The following EMC2 variants were observed in gnomAD, a reference collection of about 807,000 sequenced individuals.
EMC2 encodes ER membrane protein complex subunit 2, also known as TPR repeat protein 35.
Under a neutral mutation model 51.6 loss-of-function variants are expected in EMC2, and 37 were observed. That is an observed-to-expected ratio of 0.72 (90% CI 0.55 to 0.94). The LOEUF (loss-of-function observed/expected upper bound fraction) is 0.94, where lower values mean the gene tolerates loss of function less well. EMC2 is among the 40% of genes least tolerant of loss of function. The pLI, the probability that EMC2 is intolerant of heterozygous loss-of-function variation, is 0.00. For synonymous variants in EMC2, 131 were observed against 112.4 expected (o/e 1.17, Z -1.04); for missense variants, 359 against 350.9 (o/e 1.02, Z -0.18).
intron 5 of EMC2, among the ~76,000 whole-genome samples, chr8:108,459,752 G>T (rs1563694645): frequency 2.1e-4 from 32 of 151,638 alleles, no homozygotes; most frequent in Non-Finnish European, 7.4e-5. Context: ...GTGTGTGTGT[G>T]TGATTGTTTT....
chr8:108,449,742 T>C, intron 1 of EMC2, 81 bp from the exon 2 acceptor site: 1 of 599,876 alleles, frequency 1.7e-6, no homozygotes, highest in Non-Finnish European at 3.0e-6. Flanking sequence ...GATTTTGTCT[T>C]GTCAGGTTTT....
At chr8:108,450,570 T>C (rs1029659059) in intron 3 of EMC2, 78 bp downstream of exon 3, 2 of 862,684 alleles carry the variant, frequency 2.3e-6, no homozygotes, top group Non-Finnish European at 4.0e-6. Context: ...GTATGGCTTA[T>C]ATGGAATGCT....
At chr8:108,457,331 CGTGTGTGTGTGTGTGTGT>C (rs56319322) in intron 5 of EMC2, among the ~76,000 whole-genome samples, 7 of 127,994 alleles carry the variant, frequency 5.5e-5, no homozygotes, top group Admixed American at 3.2e-4. Context: ...CGTGTGTGTG[CGTGTGTGTGTGTGTGTGT>C]GTGTGTGTGT....
At chr8:108,448,637 G>A (rs1026846304) in intron 1 of EMC2, among the ~76,000 whole-genome samples, 22 of 152,146 alleles carry the variant, frequency 1.4e-4, no homozygotes, top group Non-Finnish European at 2.4e-4. Flanking sequence ...CCCCAGCCAC[G>A]TGGAACTGCA....
chr8:108,483,405 G>A (rs953795185), intron 10 of EMC2, among the ~76,000 whole-genome samples: 4 of 151,982 alleles, frequency 2.6e-5, no homozygotes, highest in African/African-American at 9.7e-5. Flanking sequence ...TCCCCCACTG[G>A]GAGACAGACA....
At chr8:108,446,870 A>AGG (rs1464167104) in intron 1 of EMC2, among the ~76,000 whole-genome samples, 1 of 152,138 alleles carries the variant, frequency 6.6e-6, no homozygotes, top group Non-Finnish European at 1.5e-5. Flanking sequence ...CAGCTATGTA[A>AGG]GGTGTATAGC....
chr8:108,486,331 T>C (rs1811137083), intron 10 of EMC2, among the ~76,000 whole-genome samples, 181 bp from the exon 11 acceptor site: 3 of 151,870 alleles, frequency 2.0e-5, no homozygotes, highest in Admixed American at 1.3e-4. Flanking sequence ...GGTAAGACCT[T>C]AAAGGAAAAT....
At chr8:108,456,353 A>G (rs1029463500) in intron 5 of EMC2, among the ~76,000 whole-genome samples, 14 of 150,894 alleles carry the variant, frequency 9.3e-5, no homozygotes, top group East Asian at 3.9e-4. Flanking sequence ...AAAAAGAAAA[A>G]AAAAAAAACA....
chr8:108,443,787 C>G, intron 1 of EMC2, 89 bp downstream of exon 1: 2 of 1,205,524 alleles, frequency 1.7e-6, no homozygotes, highest in South Asian at 2.7e-5. Flanking sequence ...GCTGGGTTCT[C>G]TGGTGTCTTT....
At chr8:108,468,564 GTC>G (rs1361336676) in intron 5 of EMC2, among the ~76,000 whole-genome samples, 2 of 151,374 alleles carry the variant, frequency 1.3e-5, no homozygotes, top group African/African-American at 4.9e-5. Context: ...TTATTTATTA[GTC>G]TCTTGATTTC....
Position 108,451,215 on chromosome 8 carries a change from G to A in EMC2, c.219+723G>A, listed in dbSNP as rs78071008. ...GAGACTCTGTCTCAAAAAAAAAAAAGAAAAAAATCAAACAAACCTAATACT... is the reference window on the plus strand; with the variant it reads ...GAGACTCTGTCTCAAAAAAAAAAAAAAAAAAAATCAAACAAACCTAATACT... On this transcript the variant is annotated intron_variant, in intron 3 of 10. Coordinates refer to ENST00000220853, the MANE Select transcript of EMC2 (RefSeq NM_014673.5). Among the ~76,000 whole-genome samples the A allele has an allele frequency of 3.0e-3, 436 of 146,912 alleles. 1 individual carries two copies. Among genetic ancestry groups the A allele is most frequent in the African/African-American group, 9.4e-3 (357 of 37,784 alleles).
In EMC2 at chr8:108,450,534, A is replaced by C. The variant is rs151075269; in HGVS notation, c.219+42A>C. On this transcript the variant is annotated intron_variant, in intron 3 of 10. Coordinates refer to ENST00000220853, the MANE Select transcript of EMC2 (RefSeq NM_014673.5). ...AGTATATATTTAATTTGCTTCATCA[A>C]TTGTATACCGTAGTTAAGACTTAAT... 683 of 1,146,638 alleles carry C rather than the reference A, an allele frequency of 6.0e-4. 1 individual carries two copies. The African/African-American group carries it at 8.9e-3, about 15-fold the overall frequency. 71.0% of individuals were successfully genotyped at this position (1,146,638 alleles called of 1,614,324 possible). A position where few individuals can be genotyped will look rare whatever the true frequency, so the allele number is the denominator to read the frequency against.
At chr8:108,484,811 G>A (rs1340938027) in intron 10 of EMC2, among the ~76,000 whole-genome samples, 1 of 151,864 alleles carries the variant, frequency 6.6e-6, no homozygotes, top group Non-Finnish European at 1.5e-5. Flanking sequence ...TTTATTAACT[G>A]GATAACAGAA....
chr8:108,465,673 T>C (rs985830067), intron 5 of EMC2, among the ~76,000 whole-genome samples: 16 of 152,212 alleles, frequency 1.1e-4, no homozygotes, highest in Non-Finnish European at 2.2e-4. Context: ...GATTGTTTAT[T>C]CAGAACATCG....
intron 10 of EMC2, among the ~76,000 whole-genome samples, chr8:108,485,703 G>A (rs919640983): frequency 3.3e-5 from 5 of 150,754 alleles, no homozygotes; most frequent in African/African-American, 1.2e-4. Context: ...AAATCAGCAT[G>A]TGGTATTCAA....
At chr8:108,471,722 T>C (rs1810860660) in intron 7 of EMC2, among the ~76,000 whole-genome samples, 1 of 151,944 alleles carries the variant, frequency 6.6e-6, no homozygotes. Context: ...TAGGGAGATA[T>C]AAAGGTTGTT....
intron 7 of EMC2, among the ~76,000 whole-genome samples, chr8:108,470,494 A>T (rs925854447): frequency 1.3e-5 from 2 of 152,166 alleles, no homozygotes; most frequent in East Asian, 1.9e-4. Context: ...AGAGTATTAT[A>T]CTCCCTGCTG....
intron 5 of EMC2, among the ~76,000 whole-genome samples, chr8:108,458,845 C>A (rs1197246302): frequency 1.3e-5 from 2 of 152,202 alleles, no homozygotes; most frequent in Admixed American, 1.3e-4. Flanking sequence ...AATTTCTTCT[C>A]AGAAAATGGG....
intron 1 of EMC2, among the ~76,000 whole-genome samples, chr8:108,445,318 C>T (rs919022530): frequency 6.6e-6 from 1 of 152,214 alleles, no homozygotes; most frequent in African/African-American, 2.4e-5. Context: ...TCTGTATGAT[C>T]TGGCGGTTGC....
Sources: gnomAD v4.1 joint callset for allele counts (sites outside exome capture counted in the v4.1 genomes callset) on GRCh38, gnomAD v4.1.1 for gene constraint, MANE v1.5 for transcripts, NCBI Gene and HGNC (gene_info 2026-07-23, HGNC 2026-07-21) for gene names.